Variants in CHSY3 observed in about 807,000 individuals in gnomAD.
CHSY3 encodes chondroitin sulfate synthase 3.
CHSY3 carries 35 observed loss-of-function variants against 67.2 expected under a neutral mutation model. That is an observed-to-expected ratio of 0.52 (90% CI 0.40 to 0.69). The LOEUF is 0.69. Among genes scored for constraint, CHSY3 ranks in the 30% least tolerant of loss-of-function variants. The pLI, the probability that CHSY3 is intolerant of heterozygous loss-of-function variation, is 0.00. For synonymous variants in CHSY3, 474 were observed against 434.7 expected, an observed-to-expected ratio of 1.09 and a Z score of -1.12; for missense variants, 1,069 against 1,138.5, an observed-to-expected ratio of 0.94 and a Z score of 0.88.
chr5:130,000,464 C>CT (rs1693998503), intron 2 of CHSY3, among the ~76,000 whole-genome samples: 1 of 152,142 alleles, frequency 6.6e-6, no homozygotes, highest in East Asian at 1.9e-4. Flanking sequence ...TAACATGGGT[C>CT]TATATTCATA....
intron 2 of CHSY3, among the ~76,000 whole-genome samples, chr5:130,082,977 C>T (rs1461029407): frequency 6.6e-6 from 1 of 151,694 alleles, no homozygotes; most frequent in Non-Finnish European, 1.5e-5. Context: ...TAAAAAATCT[C>T]ACATCCTGCA....
At chr5:129,987,006 A>G (rs1025906003) in intron 2 of CHSY3, among the ~76,000 whole-genome samples, 1 of 152,224 alleles carries the variant, frequency 6.6e-6, no homozygotes, top group Admixed American at 6.5e-5. Flanking sequence ...TGAAAAAGAG[A>G]TATCAAAAAA....
At chr5:130,132,892 C>G (rs1324248356) in intron 2 of CHSY3, among the ~76,000 whole-genome samples, 1 of 152,108 alleles carries the variant, frequency 6.6e-6, no homozygotes, top group Non-Finnish European at 1.5e-5. Context: ...TTGAGAAACC[C>G]TGAAGTACCC....
intron 2 of CHSY3, among the ~76,000 whole-genome samples, chr5:130,136,495 AAG>A (rs1480118062): frequency 1.3e-5 from 2 of 152,120 alleles, no homozygotes; most frequent in Admixed American, 6.5e-5. Flanking sequence ...GTTGAGAAAG[AAG>A]AGAGTGGTCC....
At chr5:130,117,689 T>A (rs972569394) in intron 2 of CHSY3, among the ~76,000 whole-genome samples, 1 of 152,190 alleles carries the variant, frequency 6.6e-6, no homozygotes, top group Non-Finnish European at 1.5e-5. Context: ...TTTTCTAAAA[T>A]TTCACCACCA....
At chr5:130,133,774 A>T (rs1768562601) in intron 2 of CHSY3, among the ~76,000 whole-genome samples, 1 of 97,906 alleles carries the variant, frequency 1.0e-5, no homozygotes, top group Non-Finnish European at 2.4e-5. Flanking sequence ...TCCGTCTTAA[A>T]AAAAAAAAAA....
At chr5:129,969,141 A>T (rs1762560524) in intron 2 of CHSY3, among the ~76,000 whole-genome samples, 1 of 151,864 alleles carries the variant, frequency 6.6e-6, no homozygotes, top group Non-Finnish European at 1.5e-5. Context: ...AAGTAAATTG[A>T]TGCTGGTATG....
intron 2 of CHSY3, among the ~76,000 whole-genome samples, chr5:130,094,384 G>A (rs1038346462): frequency 1.3e-5 from 2 of 152,150 alleles, no homozygotes; most frequent in African/African-American, 4.8e-5. Context: ...GCAGTTTGTA[G>A]CTTTAACCTG....
intron 2 of CHSY3, among the ~76,000 whole-genome samples, chr5:129,942,546 T>C (rs1263972436): frequency 6.6e-6 from 1 of 152,200 alleles, no homozygotes; most frequent in East Asian, 1.9e-4. Context: ...AAGAGATTTA[T>C]ATTTATTGTA....
At chr5:129,910,141 A>T (rs1033899483) in intron 2 of CHSY3, among the ~76,000 whole-genome samples, 3 of 151,994 alleles carry the variant, frequency 2.0e-5, no homozygotes, top group African/African-American at 7.2e-5. Context: ...GTTATATTAT[A>T]GATGTGCACC....
chr5:130,077,048 G>A (rs1441890420), intron 2 of CHSY3, among the ~76,000 whole-genome samples: 1 of 150,838 alleles, frequency 6.6e-6, no homozygotes, highest in African/African-American at 2.4e-5. Context: ...GTATACATAT[G>A]TAACTAACCT....
At chr5:130,175,722 C>T (rs925985017) in intron 2 of CHSY3, among the ~76,000 whole-genome samples, 2 of 152,176 alleles carry the variant, frequency 1.3e-5, no homozygotes, top group African/African-American at 4.8e-5. Flanking sequence ...ACCATCTGAT[C>T]TTTGACAAAC....
At chr5:129,921,769 A>G (rs1227889131) in intron 2 of CHSY3, among the ~76,000 whole-genome samples, 2 of 152,208 alleles carry the variant, frequency 1.3e-5, no homozygotes. Context: ...TGATACAGGC[A>G]TACAATGCCT....
At chr5:129,971,342 A>C (rs1762635471) in intron 2 of CHSY3, among the ~76,000 whole-genome samples, 1 of 151,824 alleles carries the variant, frequency 6.6e-6, no homozygotes, top group Non-Finnish European at 1.5e-5. Context: ...AATAATAATA[A>C]ATATGAGGTT....
Position 130,170,672 on chromosome 5 carries a change from AG to A in CHSY3, c.1087-13556del, listed in dbSNP as rs554972608. On this transcript the variant is annotated intron_variant, in intron 2 of 2. Transcript: ENST00000305031. ...TGTTGTTTTTTGACTTTTTAATAATAGCTATTCTGACTGGTGTAAGATGATA... is the reference window on the plus strand; with the variant it reads ...TGTTGTTTTTTGACTTTTTAATAATACTATTCTGACTGGTGTAAGATGATA... Among the ~76,000 whole-genome samples the A allele has an allele frequency of 3.0e-4, 45 of 152,114 alleles. No homozygotes were observed. In the East Asian group the frequency reaches 8.5e-3, roughly 29 times the overall value.
intron 2 of CHSY3, among the ~76,000 whole-genome samples, chr5:129,956,264 G>T (rs79995663): frequency 5.5e-4 from 83 of 152,030 alleles, no homozygotes; most frequent in African/African-American, 2.0e-3. Context: ...CCATTTTGAT[G>T]GTATCTCATT....
At chr5:130,002,999 T>C (rs1171383626) in intron 2 of CHSY3, among the ~76,000 whole-genome samples, 1 of 152,174 alleles carries the variant, frequency 6.6e-6, no homozygotes, top group East Asian at 1.9e-4. Flanking sequence ...CTAGTTTCTT[T>C]GGGTTGCTTT....
intron 2 of CHSY3, among the ~76,000 whole-genome samples, chr5:130,089,130 C>A (rs898274229): frequency 2.0e-5 from 3 of 148,628 alleles, no homozygotes; most frequent in African/African-American, 5.0e-5. Flanking sequence ...GGACAAAAAA[C>A]CAAACACTGC....
At chr5:130,007,864 C>G (rs1417225113) in intron 2 of CHSY3, among the ~76,000 whole-genome samples, 1 of 152,174 alleles carries the variant, frequency 6.6e-6, no homozygotes, top group Non-Finnish European at 1.5e-5. Context: ...GCCAGCCTCT[C>G]TCAGTGTCCC....
Sources: allele counts gnomAD v4.1 joint callset (sites outside exome capture counted in the v4.1 genomes callset), GRCh38; gene constraint gnomAD v4.1.1; transcripts MANE v1.5; gene names NCBI Gene and HGNC (gene_info 2026-07-23, HGNC 2026-07-21).